The following AKR1B1 variants were observed in gnomAD, a reference collection of about 807,000 sequenced individuals.
The protein encoded by AKR1B1 is aldo-keto reductase family 1 member B.
AKR1B1 carries 22 observed loss-of-function variants against 40.4 expected under a neutral mutation model. The observed-to-expected ratio is 0.54, with a 90% CI of 0.39 to 0.78. The LOEUF (loss-of-function observed/expected upper bound fraction) is 0.78, where lower values mean the gene tolerates loss of function less well. AKR1B1 is among the 30% of genes least tolerant of loss of function. The pLI is 0.00. For synonymous variants in AKR1B1, 157 were observed against 149.9 expected (o/e 1.05, Z -0.35); for missense variants, 357 against 396.7 (o/e 0.90, Z 0.85).
In AKR1B1 at chr7:134,446,681, C is replaced by T. The variant is rs537158357; in HGVS notation, c.825+617G>A. On this transcript the variant is annotated intron_variant, in intron 8 of 9. Transcript: ENST00000285930. ...GAGCTGCTCCAGCTGCCACACTGAG[C>T]GCTTCGCCAGAGTCCTGACACAGGT... 2.2e-4 allele frequency among the ~76,000 whole-genome samples: 33 copies of T among 152,214 alleles called. No homozygotes were observed. In the South Asian group the frequency reaches 5.6e-3, roughly 26 times the overall value.
At chr7:134,455,074 C>G (rs1806426645) in intron 1 of AKR1B1, among the ~76,000 whole-genome samples, 1 of 152,144 alleles carries the variant, frequency 6.6e-6, no homozygotes. Context: ...TCACCCCATC[C>G]AAGGATCTTG....
chr7:134,459,217 G>GC, upstream of AKR1B1: 1 of 899,662 alleles, frequency 1.1e-6, no homozygotes, highest in Non-Finnish European at 1.7e-6. Context: ...GGGGTGCCGC[G>GC]GCGGCCTTCC....
chr7:134,458,217 G>A (rs912418889), intron 1 of AKR1B1, among the ~76,000 whole-genome samples: 43 of 150,572 alleles, frequency 2.9e-4, no homozygotes, highest in African/African-American at 1.0e-3. Flanking sequence ...ATGTCCTATT[G>A]TCATTCTCAT....
intron 1 of AKR1B1, among the ~76,000 whole-genome samples, chr7:134,458,695 G>A (rs753214346): frequency 4.6e-5 from 7 of 152,164 alleles, no homozygotes; most frequent in South Asian, 2.1e-4. Context: ...GACCCAAAAT[G>A]CGGACTGGTG....
In AKR1B1 at chr7:134,448,014, G is replaced by A. The variant is rs199858307; in HGVS notation, c.707C>T (p.Ala236Val). ...PSLLEDPRIK[A>V]IAAKHNKTTA... ...AGTTTTATTGTGCTTGGCTGCGATC[G>A]CCTTGATCCTGGGATCCTCCAGGAG... Residue 236 changes from alanine to valine, a missense_variant, in exon 7 of 10, where the codon GCG becomes GTG. Coordinates refer to ENST00000285930, the MANE Select transcript of AKR1B1 (RefSeq NM_001628.4). 4.3e-6 allele frequency: 7 copies of A among 1,613,218 alleles called. No individual in the cohort carries two copies. Among genetic ancestry groups the A allele is most frequent in the East Asian group, 2.2e-5 (1 of 44,840 alleles).
intron 1 of AKR1B1, among the ~76,000 whole-genome samples, chr7:134,457,578 C>T (rs950085373): frequency 1.2e-4 from 18 of 152,198 alleles, no homozygotes; most frequent in Non-Finnish European, 1.9e-4. Flanking sequence ...TTTTCAACAG[C>T]AGGTTTTAGG....
intron 1 of AKR1B1, 101 bp downstream of exon 1, chr7:134,458,896 C>T (rs1806578930): frequency 7.3e-7 from 1 of 1,378,856 alleles, no homozygotes; most frequent in Admixed American, 2.0e-5. Context: ...GCCGGGCGTC[C>T]GCGGGGCGAG....
intron 1 of AKR1B1, among the ~76,000 whole-genome samples, chr7:134,455,459 T>C (rs897353944): frequency 6.6e-6 from 1 of 152,194 alleles, no homozygotes; most frequent in Non-Finnish European, 1.5e-5. Flanking sequence ...CAATGACTTT[T>C]ACCTCCAACA....
intron 1 of AKR1B1, among the ~76,000 whole-genome samples, chr7:134,456,054 C>T (rs984324249): frequency 5.3e-5 from 8 of 152,178 alleles, no homozygotes; most frequent in African/African-American, 1.7e-4. Flanking sequence ...ACAACACAGC[C>T]GCTACGGCAT....
At chr7:134,449,417 T>C (rs1585712340) in intron 4 of AKR1B1, 1 of 556,866 alleles carries the variant, frequency 1.8e-6, no homozygotes, top group Non-Finnish European at 3.2e-6. Flanking sequence ...AAACCCCGTC[T>C]CTACTAAAAA....
chr7:134,442,813 A>C, intron 9 of AKR1B1, 43 bp from the exon 10 acceptor site: 4 of 1,579,776 alleles, frequency 2.5e-6, no homozygotes, highest in Non-Finnish European at 3.5e-6. Flanking sequence ...TGAAGAGGTG[A>C]TTTTGACTAT....
At chr7:134,456,153 C>A (rs1015046027) in intron 1 of AKR1B1, among the ~76,000 whole-genome samples, 5 of 152,178 alleles carry the variant, frequency 3.3e-5, no homozygotes, top group Non-Finnish European at 7.4e-5. Flanking sequence ...CATCTTCTGT[C>A]GAGCATCTGT....
intron 5 of AKR1B1, 90 bp downstream of exon 5, chr7:134,448,907 C>T (rs1806192443): frequency 6.4e-7 from 1 of 1,560,652 alleles, no homozygotes; most frequent in East Asian, 2.2e-5. Flanking sequence ...CTCCTGGCCA[C>T]TTGCTGGGTG....
intron 1 of AKR1B1, among the ~76,000 whole-genome samples, chr7:134,457,269 CA>C (rs1806499756): frequency 6.6e-6 from 1 of 152,110 alleles, no homozygotes; most frequent in Non-Finnish European, 1.5e-5. Context: ...TATTGAAATG[CA>C]GCCTACATAG....
At chr7:134,452,405 A>G (rs1032066599) in intron 1 of AKR1B1, among the ~76,000 whole-genome samples, 8 of 152,202 alleles carry the variant, frequency 5.3e-5, no homozygotes, top group Non-Finnish European at 5.9e-5. Flanking sequence ...GCAGAGAGAA[A>G]TAAGTTAAAG....
Position 134,459,082 on chromosome 7 carries a change from C to A in AKR1B1, c.-20G>T, listed in dbSNP as rs774343330. ...TGCCATGGCTGCTGCGCTCCCCAGACCCCCGCCCAGTACGGTGCGGCCTTG... is the reference window on the plus strand; with the variant it reads ...TGCCATGGCTGCTGCGCTCCCCAGAACCCCGCCCAGTACGGTGCGGCCTTG... On this transcript the variant is annotated 5_prime_UTR_variant, in exon 1 of 10. Transcript: ENST00000285930. 6.9e-6 allele frequency: 11 copies of A among 1,595,960 alleles called. No individual in the cohort carries two copies. In the East Asian group the frequency reaches 2.0e-4, roughly 30 times the overall value.
intron 5 of AKR1B1, among the ~76,000 whole-genome samples, 186 bp from the exon 6 acceptor site, chr7:134,448,679 A>G (rs1806185358): frequency 6.6e-6 from 1 of 152,160 alleles, no homozygotes. Flanking sequence ...TGTTATTATT[A>G]TCTTATTATA....
Position 134,449,455 on chromosome 7 carries a change from C to T in AKR1B1, c.429+265G>A, listed in dbSNP as rs554269776. The T allele has an allele frequency of 1.3e-3, 740 of 569,456 alleles. 14 individuals carry two copies. The highest frequency in any genetic ancestry group is 0.011 in the South Asian group (559 of 48,758). 35.3% of individuals were successfully genotyped at this position (569,456 alleles called of 1,614,324 possible). A position where few individuals can be genotyped will look rare whatever the true frequency, so the allele number is the denominator to read the frequency against. On this transcript the variant is annotated intron_variant, in intron 4 of 9. Coordinates refer to ENST00000285930, the MANE Select transcript of AKR1B1 (RefSeq NM_001628.4). ...CAAAAAAATTAGCCGGGCGTGGTGG[C>T]GGGCACCTGTAGTCCCAGCTACTCA...
At chr7:134,447,220 C>T (rs1806126508) in intron 8 of AKR1B1, 78 bp downstream of exon 8, 5 of 1,295,594 alleles carry the variant, frequency 3.9e-6, no homozygotes, top group Non-Finnish European at 4.5e-6. Context: ...ACAGATGACA[C>T]TCCAGAGACA....
Sources: allele counts gnomAD v4.1 joint callset (sites outside exome capture counted in the v4.1 genomes callset), GRCh38; gene constraint gnomAD v4.1.1; transcripts MANE v1.5; gene names NCBI Gene and HGNC (gene_info 2026-07-23, HGNC 2026-07-21).